Variants in URB1 observed in about 807,000 individuals in gnomAD.
URB1 encodes nucleolar pre-ribosomal-associated protein 1.
URB1 carries 197 observed loss-of-function variants against 242.3 expected under a neutral mutation model. The ratio of observed to expected loss-of-function variants is 0.81; its 90% CI spans 0.72 to 0.91. URB1 has a LOEUF of 0.91. URB1 is among the 40% of genes least tolerant of loss of function. The pLI, the probability that URB1 is intolerant of heterozygous loss-of-function variation, is 0.00. For missense variants in URB1, 2,721 were observed against 2,860.5 expected, an observed-to-expected ratio of 0.95 and a Z score of 1.11; for synonymous variants, 1,153 against 1,201.8, an observed-to-expected ratio of 0.96 and a Z score of 0.84.
intron 4 of URB1, among the ~76,000 whole-genome samples, chr21:32,378,930 T>C (rs367894449): frequency 6.6e-5 from 10 of 152,374 alleles, no homozygotes; most frequent in African/African-American, 2.2e-4. Flanking sequence ...AAATAATCTA[T>C]GTTTTTGAAA....
chr21:32,357,493 T>C (rs570497486), intron 15 of URB1, 44 bp downstream of exon 15: 15 of 1,455,412 alleles, frequency 1.0e-5, no homozygotes, highest in African/African-American at 2.9e-5. Context: ...GGAAGATCTA[T>C]ACAAAATGCT....
rs781571106 is a variant in URB1 at position 32,366,646 on chromosome 21, T to C, written c.1307A>G (p.Asn436Ser). Reference sequence around the variant, plus strand: ...TAATGCTTGGGTGAACATGCTCTTATTGCACACCAGGGGCACGGTGGTCAC... The same window carrying C: ...TAATGCTTGGGTGAACATGCTCTTACTGCACACCAGGGGCACGGTGGTCAC... The part of the protein sequence containing the change: ...VMVTTVPLVC[N>S]KSMFTQALNL... Residue 436 changes from asparagine (N) to serine (S), a missense_variant, in exon 10 of 39, where the codon AAT (asparagine) becomes AGT (serine). Coordinates refer to ENST00000382751, the MANE Select transcript of URB1 (RefSeq NM_014825.3). 6.4e-7 allele frequency: 1 copy of C among 1,551,412 alleles called. No homozygotes were observed. Among genetic ancestry groups the C allele is most frequent in the Non-Finnish European group, 8.7e-7 (1 of 1,146,806 alleles).
At chr21:32,349,559 G>T in intron 20 of URB1, 76 bp from the exon 21 acceptor site, 1 of 1,427,648 alleles carries the variant, frequency 7.0e-7, no homozygotes, top group Non-Finnish European at 9.2e-7. Context: ...TCCAGGGCCC[G>T]TGTTTTCAGA....
intron 22 of URB1, among the ~76,000 whole-genome samples, chr21:32,346,200 C>A (rs1289890511): frequency 6.6e-6 from 1 of 152,196 alleles, no homozygotes; most frequent in Non-Finnish European, 1.5e-5. Flanking sequence ...TTTTCTTCCA[C>A]CATGAGTGGA....
chr21:32,384,997 AAAAGAAAAGAAAAGAAAG>A lies in URB1; in HGVS notation c.282+530_283-534del, dbSNP rs890601478. ...CTCCGTCTCAAAAATGAAAGAAAAG[AAAAGAAAAGAAAAGAAAG>A]AAAGAAAGAAAGAAAGAAAGAACAG... On this transcript the variant is annotated intron_variant, in intron 2 of 38. Transcript: ENST00000382751. Among the ~76,000 whole-genome samples, 10 of 130,470 alleles carry A rather than the reference AAAAGAAAAGAAAAGAAAG, an allele frequency of 7.7e-5. No homozygotes were observed. The South Asian group carries it at 1.4e-3, about 18-fold the overall frequency. The allele number at this position is 130,470 out of a possible 152,430, so 85.6% of individuals were successfully genotyped here. A position where few individuals can be genotyped will look rare whatever the true frequency, so the allele number is the denominator to read the frequency against.
chr21:32,356,390 T>A (rs1379688992), intron 15 of URB1, among the ~76,000 whole-genome samples: 4 of 152,062 alleles, frequency 2.6e-5, no homozygotes, highest in Non-Finnish European at 1.5e-5. Flanking sequence ...AGAGCCTGTC[T>A]CAAACAAACA....
At chr21:32,337,903 G>A (rs140629111) in intron 26 of URB1, among the ~76,000 whole-genome samples, 2 of 152,068 alleles carry the variant, frequency 1.3e-5, no homozygotes, top group East Asian at 3.9e-4. Flanking sequence ...CAGTCCCTGC[G>A]CATTCCCCCT....
intron 4 of URB1, among the ~76,000 whole-genome samples, chr21:32,382,326 T>C (rs1396299123): frequency 6.6e-6 from 1 of 152,190 alleles, no homozygotes; most frequent in East Asian, 1.9e-4. Flanking sequence ...TCAGGAGCCA[T>C]TACTCATTGA....
intron 38 of URB1, among the ~76,000 whole-genome samples, chr21:32,315,717 A>G (rs1355000060): frequency 1.3e-5 from 2 of 152,234 alleles, no homozygotes; most frequent in Non-Finnish European, 2.9e-5. Context: ...ACTTCCCAGA[A>G]TCATTTCCTA....
Position 32,344,632 on chromosome 21 carries a change from G to A in URB1, c.4195C>T (p.Gln1399Ter), listed in dbSNP as rs543250571. Residue 1399 changes from glutamine (Q) to a stop codon, truncating the protein, a stop_gained, in exon 24 of 39, where the codon CAA becomes TAA. Transcript: ENST00000382751. LOFTEE classifies it high-confidence loss of function. The stretch of plus-strand genomic sequence containing the variant: ...TGATTCTGAGTATTATCATCATCTT[G>A]CTGTCCACCACTGAAAGACACGATC... ...WLIVSFSGGQ[Q>*]DDDNTQNQEK... 1 of 1,552,300 alleles carries A rather than the reference G, an allele frequency of 6.4e-7. No individual in the cohort carries two copies. Among genetic ancestry groups the A allele is most frequent in the Admixed American group, 2.0e-5 (1 of 51,000 alleles).
intron 18 of URB1, among the ~76,000 whole-genome samples, chr21:32,353,729 T>C (rs1287922078): frequency 6.6e-6 from 1 of 152,154 alleles, no homozygotes; most frequent in Non-Finnish European, 1.5e-5. Flanking sequence ...AAATGACCAA[T>C]TTCCCAAAAG....
intron 25 of URB1, among the ~76,000 whole-genome samples, chr21:32,339,870 C>T (rs1341263247): frequency 6.6e-6 from 1 of 152,204 alleles, no homozygotes; most frequent in Non-Finnish European, 1.5e-5. Context: ...ATGAGAACAG[C>T]TGCGCCTGAG....
At chr21:32,358,129 G>T (rs764089101) in intron 14 of URB1, among the ~76,000 whole-genome samples, 2 of 152,154 alleles carry the variant, frequency 1.3e-5, no homozygotes, top group African/African-American at 4.8e-5. Context: ...CCACAATTTG[G>T]CAGGAAGAGT....
At chr21:32,358,101 T>C (rs1476205990) in intron 14 of URB1, among the ~76,000 whole-genome samples, 8 of 152,178 alleles carry the variant, frequency 5.3e-5, no homozygotes, top group African/African-American at 1.9e-4. Flanking sequence ...GCCAGGTCCT[T>C]ACCTCATCTC....
At chr21:32,392,652 G>T in intron 1 of URB1, 117 bp downstream of exon 1, 1 of 1,269,124 alleles carries the variant, frequency 7.9e-7, no homozygotes, top group Non-Finnish European at 1.0e-6. Context: ...CAAACCAGAG[G>T]CTTGCCACTG....
rs1448654272 is a variant in URB1, at chr21:32,337,397, C to T, written c.4621+7G>A. 1 of 1,548,772 alleles carries T rather than the reference C, an allele frequency of 6.5e-7. No homozygotes were observed. Among genetic ancestry groups the T allele is most frequent in the African/African-American group, 1.4e-5 (1 of 72,992 alleles). On this transcript the variant is annotated splice_region_variant and intron_variant, in intron 27 of 38. Coordinates refer to ENST00000382751, the MANE Select transcript of URB1 (RefSeq NM_014825.3). ...CTGCTCACACTACCCAGCCCTCACA[C>T]CCTCACCTAGGACGCTGAGAGTGGC... is the stretch of plus-strand genomic sequence containing the variant.
At chr21:32,390,344 C>T (rs1220411021) in intron 1 of URB1, among the ~76,000 whole-genome samples, 2 of 152,222 alleles carry the variant, frequency 1.3e-5, no homozygotes, top group African/African-American at 4.8e-5. Flanking sequence ...ATCCTACAAT[C>T]CTTTTGAAAA....
Position 32,311,843 on chromosome 21 carries a change from G to A in URB1, c.*3075C>T, listed in dbSNP as rs150008653. ...GGAGCAGAACTGGCCCTGACCAGCC[G>A]CTACGACAGGAGAGCTCCTCCACCT... On this transcript the variant is annotated 3_prime_UTR_variant, in exon 39 of 39. Coordinates refer to ENST00000382751, the MANE Select transcript of URB1 (RefSeq NM_014825.3). 2.1e-5 allele frequency: 34 copies of A among 1,613,994 alleles called. 1 individual carries two copies. The highest frequency in any genetic ancestry group is 4.5e-5 in the East Asian group (2 of 44,882).
chr21:32,334,922 G>A (rs1358347193), intron 28 of URB1, among the ~76,000 whole-genome samples: 1 of 152,152 alleles, frequency 6.6e-6, no homozygotes, highest in Non-Finnish European at 1.5e-5. Context: ...CACCACAGCT[G>A]TCAGAGGCCA....
Sources: allele counts gnomAD v4.1 joint callset (sites outside exome capture counted in the v4.1 genomes callset), GRCh38; gene constraint gnomAD v4.1.1; transcripts MANE v1.5; gene names NCBI Gene and HGNC (gene_info 2026-07-23, HGNC 2026-07-21).